Variants in PAK5 observed in about 807,000 individuals in gnomAD.
The protein encoded by PAK5 is p21 (RAC1) activated kinase 5, also known as serine/threonine-protein kinase PAK 5.
A neutral mutation model predicts 65.9 loss-of-function variants in PAK5; 16 were observed. The observed-to-expected ratio is 0.24, with a 90% CI of 0.16 to 0.37. The LOEUF is 0.37. Ranked by LOEUF, PAK5 falls within the 10% of genes least tolerant of loss-of-function variation. The pLI is 1.00. For synonymous variants in PAK5, 371 were observed against 354.9 expected (o/e 1.05, Z -0.51); for missense variants, 785 against 903.9 (o/e 0.87, Z 1.69).
At chr20:9,698,871 A>C (rs2123456169) in intron 2 of PAK5, among the ~76,000 whole-genome samples, 2 of 152,338 alleles carry the variant, frequency 1.3e-5, no homozygotes, top group African/African-American at 4.8e-5. Flanking sequence ...ATGAGATATA[A>C]CTTGATTTTA....
intron 1 of PAK5, among the ~76,000 whole-genome samples, chr20:9,779,056 T>C (rs2123693466): frequency 6.6e-6 from 1 of 152,248 alleles, no homozygotes; most frequent in East Asian, 1.9e-4. Context: ...CTTTTTTTCA[T>C]GAAATGAACA....
At chr20:9,652,750 T>C (rs927887909) in intron 2 of PAK5, among the ~76,000 whole-genome samples, 7 of 152,198 alleles carry the variant, frequency 4.6e-5, no homozygotes, top group African/African-American at 1.7e-4. Context: ...TAACCCCTTT[T>C]CTTCTTTTGT....
chr20:9,782,588 T>TA (rs1343683268), intron 1 of PAK5, among the ~76,000 whole-genome samples: 2 of 152,168 alleles, frequency 1.3e-5, no homozygotes, highest in Non-Finnish European at 2.9e-5. Flanking sequence ...TACACAGGGT[T>TA]AAAACCGGAT....
chr20:9,742,091 C>T (rs1341929965), intron 1 of PAK5, among the ~76,000 whole-genome samples: 1 of 152,064 alleles, frequency 6.6e-6, no homozygotes, highest in Non-Finnish European at 1.5e-5. Flanking sequence ...ATGTGCTATC[C>T]AACCCTCACC....
At chr20:9,779,427 G>A (rs1472627980) in intron 1 of PAK5, among the ~76,000 whole-genome samples, 1 of 150,376 alleles carries the variant, frequency 6.6e-6, no homozygotes, top group African/African-American at 2.4e-5. Flanking sequence ...CTGAAATCTG[G>A]GCTAGACTTT....
At chr20:9,816,257 G>A (rs1277006738) in intron 1 of PAK5, among the ~76,000 whole-genome samples, 2 of 151,064 alleles carry the variant, frequency 1.3e-5, no homozygotes, top group African/African-American at 4.9e-5. Context: ...ATTAAATACA[G>A]GAATTACAAT....
At chr20:9,681,797 A>ATCCCTCCCTCTTGATT (rs1181052220) in intron 2 of PAK5, among the ~76,000 whole-genome samples, 9 of 152,188 alleles carry the variant, frequency 5.9e-5, no homozygotes, top group Non-Finnish European at 1.2e-4. Flanking sequence ...ATGTCTGTGT[A>ATCCCTCCCTCTTGATT]TCCCTCCCTC....
chr20:9,614,329 G>A (rs1568999590), intron 3 of PAK5, among the ~76,000 whole-genome samples: 1 of 152,112 alleles, frequency 6.6e-6, no homozygotes, highest in Non-Finnish European at 1.5e-5. Flanking sequence ...AATGAAAAAG[G>A]CATAGAATAT....
intron 1 of PAK5, among the ~76,000 whole-genome samples, chr20:9,756,921 C>T (rs2048641111): frequency 1.3e-5 from 2 of 152,170 alleles, no homozygotes; most frequent in South Asian, 2.1e-4. Context: ...TAGTTCATGA[C>T]TCTGGAAGCA....
At chr20:9,753,641 T>C (rs73245036) in intron 1 of PAK5, among the ~76,000 whole-genome samples, 2,853 of 152,216 alleles carry the variant, frequency 0.019, 85 homozygotes, top group African/African-American at 0.063. Context: ...CCCATCATTG[T>C]ATGAAATGTG....
intron 5 of PAK5, among the ~76,000 whole-genome samples, chr20:9,564,000 AG>A (rs1292191940): frequency 1.3e-5 from 2 of 152,172 alleles, no homozygotes; most frequent in Non-Finnish European, 2.9e-5. Flanking sequence ...AGAGAATGGG[AG>A]TCCTTACAAT....
At chr20:9,745,049 T>C (rs1033470) in intron 1 of PAK5, among the ~76,000 whole-genome samples, 41,418 of 151,962 alleles carry the variant, frequency 0.27, 6,736 homozygotes, top group African/African-American at 0.45. Flanking sequence ...TTTCAGAGTA[T>C]GTTCTTAGTA....
intron 7 of PAK5, among the ~76,000 whole-genome samples, chr20:9,552,818 C>T (rs1020733139): frequency 1.3e-5 from 2 of 151,556 alleles, no homozygotes; most frequent in Non-Finnish European, 2.9e-5. Flanking sequence ...AACTCTAGGG[C>T]CCAAGCAGTC....
chr20:9,820,802 A>G (rs1291875939), intron 1 of PAK5, among the ~76,000 whole-genome samples: 3 of 152,202 alleles, frequency 2.0e-5, no homozygotes, highest in Non-Finnish European at 4.4e-5. Context: ...AGCCCTGAAT[A>G]TAAAGGAACT....
At chr20:9,759,475 C>T (rs1477012907) in intron 1 of PAK5, among the ~76,000 whole-genome samples, 1 of 152,068 alleles carries the variant, frequency 6.6e-6, no homozygotes, top group Non-Finnish European at 1.5e-5. Flanking sequence ...TGTGATATTT[C>T]ACAGAATTTA....
At chr20:9,614,625 T>A (rs1419044130) in intron 3 of PAK5, among the ~76,000 whole-genome samples, 1 of 152,172 alleles carries the variant, frequency 6.6e-6, no homozygotes, top group Non-Finnish European at 1.5e-5. Context: ...GGTAAGAATT[T>A]CATCTGACTT....
At chr20:9,745,339 C>T (rs1253920362) in intron 1 of PAK5, among the ~76,000 whole-genome samples, 1 of 151,702 alleles carries the variant, frequency 6.6e-6, no homozygotes, top group Non-Finnish European at 1.5e-5. Flanking sequence ...ATATATGAAT[C>T]ACATTCGACA....
chr20:9,815,988 C>G (rs2049352521), intron 1 of PAK5, among the ~76,000 whole-genome samples: 1 of 152,142 alleles, frequency 6.6e-6, no homozygotes, highest in African/African-American at 2.4e-5. Flanking sequence ...TACAATAGAA[C>G]TCCCTAGTTC....
At chr20:9,576,758 C>T (rs1030106207) in intron 4 of PAK5, among the ~76,000 whole-genome samples, 1 of 152,148 alleles carries the variant, frequency 6.6e-6, no homozygotes, top group Admixed American at 6.5e-5. Flanking sequence ...GAGTTGGATC[C>T]CAGCTCTGCT....
Sources: gnomAD v4.1 joint callset for allele counts (sites outside exome capture counted in the v4.1 genomes callset) on GRCh38, gnomAD v4.1.1 for gene constraint, MANE v1.5 for transcripts, NCBI Gene and HGNC (gene_info 2026-07-23, HGNC 2026-07-21) for gene names.